The following LUZP2 variants were observed in gnomAD, a reference collection of about 807,000 sequenced individuals.
The protein encoded by LUZP2 is leucine zipper protein 2.
Under a neutral mutation model 51.6 loss-of-function variants are expected in LUZP2, and 52 were observed. That is an observed-to-expected ratio of 1.01 (90% CI 0.81 to 1.27). LUZP2 has a LOEUF of 1.27. Ranked by LOEUF, LUZP2 falls within the 50% of genes most tolerant of loss-of-function variation. LUZP2 has a pLI of 0.00. For synonymous variants in LUZP2, 154 were observed against 137.3 expected (o/e 1.12, Z -0.85); for missense variants, 436 against 395.4 (o/e 1.10, Z -0.87).
chr11:24,704,985 A>G (rs1283689236), intron 1 of LUZP2, among the ~76,000 whole-genome samples: 1 of 152,214 alleles, frequency 6.6e-6, no homozygotes, highest in East Asian at 1.9e-4. Flanking sequence ...GTCTGTCTAC[A>G]AATATGAACA....
At chr11:24,661,503 C>A (rs1344909593) in intron 1 of LUZP2, among the ~76,000 whole-genome samples, 1 of 152,144 alleles carries the variant, frequency 6.6e-6, no homozygotes, top group Non-Finnish European at 1.5e-5. Flanking sequence ...GTTGCACTTG[C>A]ACAGCTGGGG....
chr11:25,003,660 T>G (rs561377668), intron 9 of LUZP2, among the ~76,000 whole-genome samples: 1 of 152,298 alleles, frequency 6.6e-6, no homozygotes, highest in South Asian at 2.1e-4. Flanking sequence ...TAAGGGATAT[T>G]GCCTATGATA....
At chr11:24,769,693 A>ATTTTTTT (rs763755994) in intron 5 of LUZP2, among the ~76,000 whole-genome samples, 4 of 105,746 alleles carry the variant, frequency 3.8e-5, no homozygotes, top group African/African-American at 9.5e-5. Flanking sequence ...ATGGTGGTCT[A>ATTTTTTT]TTTTTTTTTT....
intron 1 of LUZP2, among the ~76,000 whole-genome samples, chr11:24,559,464 T>C (rs1361130409): frequency 1.3e-5 from 2 of 152,188 alleles, no homozygotes; most frequent in African/African-American, 4.8e-5. Context: ...TGCTCATAAA[T>C]ATTCTCCCTT....
chr11:25,047,336 T>A (rs1012818612), intron 9 of LUZP2, among the ~76,000 whole-genome samples: 18 of 6,508 alleles, frequency 2.8e-3, no homozygotes, highest in East Asian at 0.011. Context: ...TTTTTATTTT[T>A]TTTATTTTTT....
intron 1 of LUZP2, among the ~76,000 whole-genome samples, chr11:24,652,648 C>T (rs1487508333): frequency 1.3e-5 from 2 of 151,842 alleles, no homozygotes; most frequent in East Asian, 1.9e-4. Flanking sequence ...TCAATTGATA[C>T]CTAAACTAAG....
intron 5 of LUZP2, among the ~76,000 whole-genome samples, chr11:24,804,872 C>T (rs2134123785): frequency 6.6e-6 from 1 of 152,162 alleles, no homozygotes; most frequent in South Asian, 2.1e-4. Flanking sequence ...TGGAGTCTCA[C>T]TTTGTTGCCC....
chr11:24,941,424 G>T (rs888099200), intron 7 of LUZP2, among the ~76,000 whole-genome samples: 1 of 152,102 alleles, frequency 6.6e-6, no homozygotes, highest in African/African-American at 2.4e-5. Context: ...AAATTAGTCT[G>T]CAAGTTAGAG....
intron 1 of LUZP2, among the ~76,000 whole-genome samples, chr11:24,524,795 A>C (rs1850745681): frequency 6.6e-6 from 1 of 151,700 alleles, no homozygotes; most frequent in Admixed American, 6.6e-5. Flanking sequence ...TTCATTCCAA[A>C]TCAATTTACA....
chr11:24,536,365 G>A (rs1426009849), intron 1 of LUZP2, among the ~76,000 whole-genome samples: 1 of 151,810 alleles, frequency 6.6e-6, no homozygotes, highest in Non-Finnish European at 1.5e-5. Flanking sequence ...TCTTCTAACA[G>A]AAGAATCTGT....
At chr11:24,928,439 G>A (rs184682606) in intron 7 of LUZP2, among the ~76,000 whole-genome samples, 58 of 151,968 alleles carry the variant, frequency 3.8e-4, no homozygotes, top group Admixed American at 1.1e-3. Context: ...AATCATAAAG[G>A]GATGCTGGAT....
chr11:24,562,404 A>G (rs1852072870), intron 1 of LUZP2, among the ~76,000 whole-genome samples: 1 of 152,000 alleles, frequency 6.6e-6, no homozygotes, highest in South Asian at 2.1e-4. Flanking sequence ...AAGGCACCCC[A>G]AGGGATATAG....
chr11:24,565,129 A>T (rs539197031), intron 1 of LUZP2, among the ~76,000 whole-genome samples: 19 of 152,256 alleles, frequency 1.2e-4, no homozygotes, highest in African/African-American at 4.6e-4. Context: ...CCTACCAAAA[A>T]ATTGGGATTG....
At chr11:25,067,992 A>C (rs1859045565) in intron 10 of LUZP2, among the ~76,000 whole-genome samples, 1 of 152,120 alleles carries the variant, frequency 6.6e-6, no homozygotes, top group African/African-American at 2.4e-5. Flanking sequence ...GCCATAAAAA[A>C]GGATGAGTTC....
chr11:24,870,472 C>T (rs997559447), intron 5 of LUZP2, among the ~76,000 whole-genome samples: 3 of 16,892 alleles, frequency 1.8e-4, no homozygotes, highest in African/African-American at 4.5e-4. Flanking sequence ...CCAGTTCCTA[C>T]ACACACACAC....
At chr11:24,568,173 A>AAG (rs1852304377) in intron 1 of LUZP2, among the ~76,000 whole-genome samples, 1 of 152,102 alleles carries the variant, frequency 6.6e-6, no homozygotes, top group Non-Finnish European at 1.5e-5. Context: ...CAGCCTGGCC[A>AAG]AGATGGCGAA....
chr11:24,998,860 A>G lies in LUZP2; in HGVS notation c.765+15567A>G, dbSNP rs144601984. 4.4e-4 allele frequency among the ~76,000 whole-genome samples: 67 copies of G among 152,220 alleles called. No homozygotes were observed. The East Asian group carries it at 9.9e-3, about 22-fold the overall frequency. On this transcript the variant is annotated intron_variant, in intron 9 of 11. Transcript: ENST00000336930. ...TTCTCTCAGGGATCACAATACTGTC[A>G]TGCATGCAGTCGATAACTAAAAACA...
intron 5 of LUZP2, among the ~76,000 whole-genome samples, chr11:24,803,218 A>G (rs1849744971): frequency 6.6e-6 from 1 of 152,098 alleles, no homozygotes; most frequent in Non-Finnish European, 1.5e-5. Flanking sequence ...ATGAATTGAT[A>G]TTTCCCCAAA....
chr11:24,518,301 A>G (rs1850541618), intron 1 of LUZP2, among the ~76,000 whole-genome samples: 1 of 152,208 alleles, frequency 6.6e-6, no homozygotes, highest in South Asian at 2.1e-4. Context: ...TCAGAGCTGC[A>G]TGAATCTAAC....
Sources: gnomAD v4.1 joint callset for allele counts (sites outside exome capture counted in the v4.1 genomes callset) on GRCh38, gnomAD v4.1.1 for gene constraint, MANE v1.5 for transcripts, NCBI Gene and HGNC (gene_info 2026-07-23, HGNC 2026-07-21) for gene names.